NDUFB9: variants seen among roughly 807,000 people sequenced by gnomAD.
The protein encoded by NDUFB9 is NADH:ubiquinone oxidoreductase subunit B9, also known as NADH dehydrogenase [ubiquinone] 1 beta subcomplex subunit 9.
Under a neutral mutation model 30.2 loss-of-function variants are expected in NDUFB9, and 24 were observed. That is an observed-to-expected ratio of 0.80 (90% CI 0.58 to 1.12). The LOEUF (loss-of-function observed/expected upper bound fraction) is 1.12, where lower values mean the gene tolerates loss of function less well. NDUFB9 is among the 50% of genes most tolerant of loss of function. The pLI is 0.00. For synonymous variants in NDUFB9, 80 were observed against 84.0 expected, an observed-to-expected ratio of 0.95 and a Z score of 0.26; for missense variants, 204 against 226.0, an observed-to-expected ratio of 0.90 and a Z score of 0.62.
chr8:124,546,014 G>A (rs1822149405), intron 2 of NDUFB9, among the ~76,000 whole-genome samples: 5 of 151,996 alleles, frequency 3.3e-5, no homozygotes, highest in Admixed American at 3.3e-4. Flanking sequence ...GGCTAGTTTT[G>A]TATTTTTAGT....
At chr8:124,548,622 G>A (rs902687054) in intron 3 of NDUFB9, among the ~76,000 whole-genome samples, 1 of 152,200 alleles carries the variant, frequency 6.6e-6, no homozygotes, top group Non-Finnish European at 1.5e-5. Context: ...TAAGCTGTAT[G>A]AGCACAGGCC....
chr8:124,546,834 T>G (rs1822171457), intron 2 of NDUFB9, 166 bp from the exon 3 acceptor site: 5 of 679,484 alleles, frequency 7.4e-6, no homozygotes, highest in Non-Finnish European at 1.3e-5. Flanking sequence ...TATCTTTGCT[T>G]CCTACTTATC....
Position 124,543,107 on chromosome 8 carries a change from C to G in NDUFB9, c.122C>G (p.Ala41Gly). The change falls in exon 2 of 4, where the codon GCT becomes GGT. Residue 41 changes from alanine (A) to glycine (G), a missense_variant. Transcript: ENST00000276689. ...CVQRDKYRYF[A>G]CLMRARFEEH... is the part of the protein sequence containing the mutation. ...TTAAGAGACAAATACCGATACTTTG[C>G]TTGTTTGATGAGAGCCCGGTTTGAA... is the stretch of plus-strand genomic sequence containing the variant. The G allele has an allele frequency of 2.5e-6, 4 of 1,614,116 alleles. No homozygotes were observed. The highest frequency in any genetic ancestry group is 3.4e-6 in the Non-Finnish European group (4 of 1,180,016).
intron 1 of NDUFB9, among the ~76,000 whole-genome samples, chr8:124,540,721 C>A (rs1032626090): frequency 6.6e-6 from 1 of 152,040 alleles, no homozygotes; most frequent in African/African-American, 2.4e-5. Context: ...TCAATCCTTG[C>A]CTTAATTTCT....
At chr8:124,549,699 A>G in intron 3 of NDUFB9, 62 bp from the exon 4 acceptor site, 1 of 1,524,262 alleles carries the variant, frequency 6.6e-7, no homozygotes, top group Non-Finnish European at 9.1e-7. Context: ...TCACTGCAGC[A>G]GACAGATTTT....
At chr8:124,542,542 C>T (rs1216934554) in intron 1 of NDUFB9, among the ~76,000 whole-genome samples, 1 of 152,234 alleles carries the variant, frequency 6.6e-6, no homozygotes, top group Non-Finnish European at 1.5e-5. Context: ...TCAAAACCTC[C>T]TAACTGATCT....
chr8:124,547,322 C>G (rs2131612832), intron 3 of NDUFB9: 1 of 644,930 alleles, frequency 1.6e-6, no homozygotes, highest in African/African-American at 1.8e-5. Context: ...TTGGCTTTGT[C>G]TTTGATTTTG....
At chr8:124,544,324 C>G (rs1822104371) in intron 2 of NDUFB9, among the ~76,000 whole-genome samples, 1 of 152,190 alleles carries the variant, frequency 6.6e-6, no homozygotes, top group African/African-American at 2.4e-5. Flanking sequence ...GGTGAAGCAA[C>G]AAGTGCTGAT....
intron 1 of NDUFB9, among the ~76,000 whole-genome samples, chr8:124,541,666 C>T (rs1192386169): frequency 5.3e-5 from 8 of 151,532 alleles, no homozygotes; most frequent in Admixed American, 3.9e-4. Context: ...TGCAGTGGCG[C>T]GATCTTGGCT....
intron 2 of NDUFB9, among the ~76,000 whole-genome samples, chr8:124,544,101 C>T (rs1822099113): frequency 1.3e-5 from 2 of 152,194 alleles, no homozygotes; most frequent in African/African-American, 4.8e-5. Flanking sequence ...TGTCTTATTG[C>T]TGATATGGAG....
intron 1 of NDUFB9, 166 bp from the exon 2 acceptor site, chr8:124,542,921 G>A: frequency 1.5e-6 from 1 of 668,046 alleles, no homozygotes; most frequent in East Asian, 2.8e-5. Context: ...GCTGTTTGGT[G>A]GGCTGTAGAG....
chr8:124,547,988 A>AG (rs1214745280), intron 3 of NDUFB9, among the ~76,000 whole-genome samples: 1 of 149,156 alleles, frequency 6.7e-6, no homozygotes, highest in Non-Finnish European at 1.5e-5. Context: ...CCATCCCAAA[A>AG]GAAAAAAAAA....
intron 2 of NDUFB9, chr8:124,546,661 G>A (rs1018431964): frequency 1.2e-5 from 4 of 334,028 alleles, no homozygotes; most frequent in Non-Finnish European, 2.2e-5. Context: ...AACTTGGATT[G>A]GTGCTTAATA....
chr8:124,544,400 A>C (rs1423319673), intron 2 of NDUFB9, among the ~76,000 whole-genome samples: 3 of 152,280 alleles, frequency 2.0e-5, no homozygotes, highest in Non-Finnish European at 4.4e-5. Flanking sequence ...GGCTATACTT[A>C]ACAACAGATT....
chr8:124,540,745 C>T (rs1277730010), intron 1 of NDUFB9, among the ~76,000 whole-genome samples: 1 of 152,016 alleles, frequency 6.6e-6, no homozygotes, highest in Non-Finnish European at 1.5e-5. Flanking sequence ...TCCATTTGCC[C>T]TCATTGTGCT....
chr8:124,541,506 T>C (rs1199282351), intron 1 of NDUFB9, among the ~76,000 whole-genome samples: 1 of 152,268 alleles, frequency 6.6e-6, no homozygotes, highest in Non-Finnish European at 1.5e-5. Flanking sequence ...CTTTTTAAAG[T>C]GTGTTTATCT....
At chr8:124,549,676 T>C in intron 3 of NDUFB9, 85 bp from the exon 4 acceptor site, 6 of 1,321,418 alleles carry the variant, frequency 4.5e-6, no homozygotes, top group Non-Finnish European at 6.5e-6. Context: ...ACCATAGACA[T>C]AAAGCTGACC....
intron 3 of NDUFB9, among the ~76,000 whole-genome samples, chr8:124,548,533 A>T (rs1229857886): frequency 6.6e-6 from 1 of 152,172 alleles, no homozygotes; most frequent in Non-Finnish European, 1.5e-5. Context: ...CCAGGTGGCA[A>T]AGGCCCATTT....
Position 124,543,221 on chromosome 8 carries a change from C to CATA in NDUFB9, c.237_239dup (p.Pro79_Tyr80insTer). On this transcript the variant is annotated stop_gained and inframe_insertion, in exon 2 of 4. Transcript: ENST00000276689. LOFTEE classifies it high-confidence loss of function. The stretch of plus-strand genomic sequence containing the variant: ...TTCTGGTACCGTCAGCATCCACAGC[C>CATA]ATACATCTTCCCTGACTCTCCTGGG... The CATA allele has an allele frequency of 6.2e-7, 1 of 1,614,230 alleles. No individual in the cohort carries two copies. The highest frequency in any genetic ancestry group is 8.5e-7 in the Non-Finnish European group (1 of 1,180,044).
Sources: gnomAD v4.1 joint callset for allele counts (sites outside exome capture counted in the v4.1 genomes callset) on GRCh38, gnomAD v4.1.1 for gene constraint, MANE v1.5 for transcripts, NCBI Gene and HGNC (gene_info 2026-07-23, HGNC 2026-07-21) for gene names.